The following AFF3 variants were observed in gnomAD, a reference collection of about 807,000 sequenced individuals.
AFF3 encodes the protein AF4/FMR2 family member 3.
Under a neutral mutation model 129.7 loss-of-function variants are expected in AFF3, and 32 were observed. The observed-to-expected ratio is 0.25, with a 90% confidence interval of 0.19 to 0.33. The LOEUF (loss-of-function observed/expected upper bound fraction) is 0.33. Among genes scored for constraint, AFF3 ranks in the 10% least tolerant of loss-of-function variants. The probability of loss-of-function intolerance (pLI) is 1.00; values close to 1 mark genes in which losing one functional copy is unlikely to be tolerated. For synonymous variants in AFF3, 644 were observed against 635.4 expected, an observed-to-expected ratio of 1.01 and a Z score of -0.20; for missense variants, 1,373 against 1,592.0, an observed-to-expected ratio of 0.86 and a Z score of 2.34.
chr2:99,604,606 C>T (rs546813961), intron 13 of AFF3, among the ~76,000 whole-genome samples: 2 of 152,270 alleles, frequency 1.3e-5, no homozygotes, highest in Non-Finnish European at 2.9e-5. Context: ...ACCTGCACAT[C>T]CTGCACAGGT....
At chr2:100,045,670 G>A (rs148244912) in intron 4 of AFF3, among the ~76,000 whole-genome samples, 1,681 of 151,488 alleles carry the variant, frequency 0.011, 21 homozygotes, top group Middle Eastern at 0.031. Context: ...GAGACAGCAA[G>A]CCCAACCCTT....
intron 4 of AFF3, among the ~76,000 whole-genome samples, chr2:100,010,086 A>G (rs1178194160): frequency 6.6e-6 from 1 of 152,172 alleles, no homozygotes; most frequent in Admixed American, 6.6e-5. Flanking sequence ...TCTACGCCTT[A>G]ATGACTTCAT....
intron 8 of AFF3, among the ~76,000 whole-genome samples, chr2:99,758,585 CAAA>C (rs5832882): frequency 4.8e-5 from 5 of 103,210 alleles, no homozygotes; most frequent in Non-Finnish European, 3.7e-5. Context: ...GACTCCATCT[CAAA>C]AAAAAAAAAA....
chr2:99,608,553 C>T (rs1374644937), intron 13 of AFF3, among the ~76,000 whole-genome samples: 1 of 152,190 alleles, frequency 6.6e-6, no homozygotes, highest in African/African-American at 2.4e-5. Context: ...ACGCAAGTAG[C>T]ATCCATGAGT....
intron 7 of AFF3, among the ~76,000 whole-genome samples, chr2:99,897,366 A>C (rs936751822): frequency 6.6e-6 from 1 of 152,048 alleles, no homozygotes; most frequent in African/African-American, 2.4e-5. Context: ...TCCCCCTAAA[A>C]CATCATTCCA....
chr2:100,022,436 A>G (rs1413716334), intron 4 of AFF3, among the ~76,000 whole-genome samples: 2 of 151,804 alleles, frequency 1.3e-5, no homozygotes, highest in Admixed American at 1.3e-4. Context: ...GGGGAGACAG[A>G]GTCTCACTCT....
At chr2:99,925,051 A>T (rs1311019520) in intron 7 of AFF3, among the ~76,000 whole-genome samples, 1 of 151,480 alleles carries the variant, frequency 6.6e-6, no homozygotes, top group Non-Finnish European at 1.5e-5. Context: ...AATTTTTTAC[A>T]TTTTTTTGTA....
Position 99,934,182 on chromosome 2 carries a change from C to T in AFF3, c.873+72450G>A, listed in dbSNP as rs111493730. Among the ~76,000 whole-genome samples, 146 of 152,314 alleles carry T rather than the reference C, an allele frequency of 9.6e-4. 3 individuals carry two copies. Among genetic ancestry groups the T allele is most frequent in the Non-Finnish European group, 8.8e-4 (60 of 68,032 alleles). On this transcript the variant is annotated intron_variant, in intron 7 of 24. Transcript: ENST00000672756. ...GGACTGGGACTCAGGTCACTTCTTT[C>T]TGCCATGTGCCTGGTGGGAGTAGGA... is the stretch of plus-strand genomic sequence containing the variant.
At chr2:99,978,266 A>G (rs552600363) in intron 7 of AFF3, among the ~76,000 whole-genome samples, 127 of 152,346 alleles carry the variant, frequency 8.3e-4, no homozygotes, top group Admixed American at 2.3e-3. Flanking sequence ...TAAATAGGAT[A>G]AACATGTTTA....
At chr2:99,828,289 CG>C (rs1688252038) in intron 8 of AFF3, among the ~76,000 whole-genome samples, 1 of 152,116 alleles carries the variant, frequency 6.6e-6, no homozygotes, top group Non-Finnish European at 1.5e-5. Context: ...TGAGCTCCAG[CG>C]GGGAATAAGT....
intron 7 of AFF3, among the ~76,000 whole-genome samples, chr2:99,841,292 A>G (rs17023186): frequency 6.6e-6 from 1 of 152,154 alleles, no homozygotes; most frequent in African/African-American, 2.4e-5. Flanking sequence ...TAGATGCCCT[A>G]TTAGATACTT....
intron 1 of AFF3, 94 bp from the exon 2 acceptor site, chr2:100,129,400 G>GTGTGTT (rs1692328595): frequency 6.7e-6 from 1 of 149,126 alleles, no homozygotes; most frequent in African/African-American, 2.5e-5. Flanking sequence ...GTGTGTGTGT[G>GTGTGTT]TGTGTGTGTG....
rs373666670 is a variant in AFF3 at position 99,791,245 on chromosome 2, C to T, written c.922-38944G>A. On this transcript the variant is annotated intron_variant, in intron 8 of 24. Transcript: ENST00000672756. ...GGTAACATACAGTTGTCCCTCGCTA[C>T]CCTTGGCGGATTGGTTCTAGGACCC... is the stretch of plus-strand genomic sequence containing the variant. Among the ~76,000 whole-genome samples the T allele has an allele frequency of 2.5e-4, 38 of 152,276 alleles. 1 individual carries two copies. The highest frequency in any genetic ancestry group is 1.7e-3 in the South Asian group (8 of 4,818).
intron 11 of AFF3, among the ~76,000 whole-genome samples, chr2:99,692,527 G>T (rs1243467961): frequency 6.6e-6 from 1 of 152,284 alleles, no homozygotes; most frequent in South Asian, 2.1e-4. Flanking sequence ...GGGGAGTGGG[G>T]AGGGAGCAGT....
chr2:99,864,588 T>C (rs575554749), intron 7 of AFF3, among the ~76,000 whole-genome samples: 1 of 152,326 alleles, frequency 6.6e-6, no homozygotes, highest in African/African-American at 2.4e-5. Flanking sequence ...AAGGGCTGCC[T>C]GCCCACAACT....
intron 11 of AFF3, among the ~76,000 whole-genome samples, chr2:99,702,320 T>A: frequency 6.6e-6 from 1 of 152,100 alleles, no homozygotes; most frequent in Non-Finnish European, 1.5e-5. Context: ...TGGTATCTCA[T>A]CTCATTGTGG....
chr2:100,000,400 C>T (rs761723502), intron 7 of AFF3, among the ~76,000 whole-genome samples: 2 of 152,074 alleles, frequency 1.3e-5, no homozygotes, highest in Non-Finnish European at 2.9e-5. Flanking sequence ...GGAAGAATTA[C>T]GCTCACTACT....
intron 9 of AFF3, among the ~76,000 whole-genome samples, chr2:99,750,401 CT>C (rs1043811347): frequency 0.017 from 964 of 55,446 alleles, 22 homozygotes; most frequent in African/African-American, 0.045. Context: ...GTAAAAAGTA[CT>C]TTTTTTTTTT....
intron 4 of AFF3, among the ~76,000 whole-genome samples, chr2:100,086,562 G>C (rs1689445882): frequency 6.6e-6 from 1 of 152,178 alleles, no homozygotes; most frequent in Admixed American, 6.5e-5. Flanking sequence ...CCATATCTAA[G>C]AGAACCTAAT....
Sources: gnomAD v4.1 joint callset for allele counts (sites outside exome capture counted in the v4.1 genomes callset) on GRCh38, gnomAD v4.1.1 for gene constraint, MANE v1.5 for transcripts, NCBI Gene and HGNC (gene_info 2026-07-23, HGNC 2026-07-21) for gene names.